OGFOD3: variants seen among roughly 807,000 people sequenced by gnomAD.
OGFOD3 encodes 2-oxoglutarate and iron dependent oxygenase domain containing 3, also known as 2-oxoglutarate and iron-dependent oxygenase domain-containing protein 3.
Under a neutral mutation model 39.8 loss-of-function variants are expected in OGFOD3, and 35 were observed. The ratio of observed to expected loss-of-function variants is 0.88; its 90% CI spans 0.67 to 1.17. The LOEUF (loss-of-function observed/expected upper bound fraction) is 1.17, where lower values mean the gene tolerates loss of function less well. OGFOD3 is among the 50% of genes most tolerant of loss of function. The pLI is 0.00. For synonymous variants in OGFOD3, 200 were observed against 192.0 expected (o/e 1.04, Z -0.34); for missense variants, 438 against 454.5 (o/e 0.96, Z 0.33).
Position 82,390,418 on chromosome 17 carries a change from G to T in OGFOD3, c.*1980C>A, listed in dbSNP as rs898514520. On this transcript the variant is annotated 3_prime_UTR_variant, in exon 9 of 9. Coordinates refer to ENST00000313056, the MANE Select transcript of OGFOD3 (RefSeq NM_024648.3). The surrounding 1 kb of genome is among the most constrained non-coding windows in gnomAD (Gnocchi z 4.9). ...CGACCCGGAGAGTGTCCGTGAAGCAGCCGGCCCCGCAAGGACGGCTTTGGC... is the reference window on the plus strand; with the variant it reads ...CGACCCGGAGAGTGTCCGTGAAGCATCCGGCCCCGCAAGGACGGCTTTGGC... 6.6e-6 allele frequency: 1 copy of T among 152,374 alleles called. No homozygotes were observed. Among genetic ancestry groups the T allele is most frequent in the Non-Finnish European group, 1.5e-5 (1 of 68,138 alleles). The allele number at this position is 152,374 out of a possible 1,614,324, so 9.4% of individuals were successfully genotyped here. A position where few individuals can be genotyped will look rare whatever the true frequency, so the allele number is the denominator to read the frequency against.
rs891257083 is a variant in OGFOD3, at chr17:82,415,142, T to C, written c.304+256A>G. ...TTTCTGGTTTTGACTTTCTCATCCC[T>C]ATCTTTCCAAGGCAAACCATCTCCT... On this transcript the variant is annotated intron_variant, in intron 2 of 8. Coordinates refer to ENST00000313056, the MANE Select transcript of OGFOD3 (RefSeq NM_024648.3). The surrounding 1 kb of genome is among the most constrained non-coding windows in gnomAD (Gnocchi z 5.3). Among the ~76,000 whole-genome samples, 4 of 152,184 alleles carry C rather than the reference T, an allele frequency of 2.6e-5. No homozygotes were observed. The highest frequency in any genetic ancestry group is 4.4e-5 in the Non-Finnish European group (3 of 68,026).
At chr17:82,403,658 C>T (rs577941115) in intron 7 of OGFOD3, among the ~76,000 whole-genome samples, 2 of 152,300 alleles carry the variant, frequency 1.3e-5, no homozygotes, top group African/African-American at 4.8e-5. Flanking sequence ...ACCATGCACA[C>T]AGCAGGCGGA....
chr17:82,398,911 A>C, intron 7 of OGFOD3, among the ~76,000 whole-genome samples: 2 of 135,408 alleles, frequency 1.5e-5, no homozygotes, highest in Non-Finnish European at 3.1e-5. Flanking sequence ...TAGAGATGGC[A>C]TCAGTCCACC....
intron 3 of OGFOD3, among the ~76,000 whole-genome samples, chr17:82,410,055 TG>T (rs1221334022): frequency 3.3e-5 from 5 of 151,864 alleles, no homozygotes; most frequent in Non-Finnish European, 4.4e-5. Flanking sequence ...CCCAGGCAGG[TG>T]GGGGAAGCTT....
At chr17:82,403,776 A>C in intron 7 of OGFOD3, 161 bp downstream of exon 7, 1 of 914,740 alleles carries the variant, frequency 1.1e-6, no homozygotes, top group Non-Finnish European at 1.7e-6. Flanking sequence ...CACCCTGCCC[A>C]CGTGCGTACT....
intron 2 of OGFOD3, among the ~76,000 whole-genome samples, chr17:82,413,130 A>G (rs1179892658): frequency 6.6e-6 from 1 of 152,240 alleles, no homozygotes; most frequent in East Asian, 1.9e-4. Flanking sequence ...ACAAAAAGTC[A>G]TTTTATGCTT....
chr17:82,392,663 T>A lies in OGFOD3; in HGVS notation c.824-129A>T. ...CAACCAACCAGGCAGGCTGGAGAAA[T>A]TGCCCCTCTGGGAACTGCTTCTGCA... On this transcript the variant is annotated intron_variant, in intron 8 of 8. Coordinates refer to ENST00000313056, the MANE Select transcript of OGFOD3 (RefSeq NM_024648.3). This position sits in a 1 kb window ranked among gnomAD's most constrained non-coding sequence, Gnocchi z 4.2. 2.7e-6 allele frequency: 3 copies of A among 1,130,102 alleles called. No homozygotes were observed. The highest frequency in any genetic ancestry group is 3.7e-6 in the Non-Finnish European group (3 of 809,092). The allele number at this position is 1,130,102 out of a possible 1,614,324, so 70.0% of individuals were successfully genotyped here.
chr17:82,394,654 G>A, intron 8 of OGFOD3: 2 of 776,984 alleles, frequency 2.6e-6, no homozygotes, highest in Non-Finnish European at 2.0e-6. Context: ...GGCTCCCAGG[G>A]GGGACCTCTG....
Position 82,415,682 on chromosome 17 carries a change from C to G in OGFOD3, c.75-55G>C. On this transcript the variant is annotated intron_variant, in intron 1 of 8. Transcript: ENST00000313056. The surrounding 1 kb of genome is among the most constrained non-coding windows in gnomAD (Gnocchi z 5.3). ...AAACACGGAGTGAGGCCAGAGAAAA[C>G]GCTCCCCGATCATCAAAGTGCATGC... The G allele has an allele frequency of 1.4e-6, 2 of 1,464,898 alleles. No homozygotes were observed. The highest frequency in any genetic ancestry group is 1.9e-6 in the Non-Finnish European group (2 of 1,077,766). 90.7% of individuals were successfully genotyped at this position (1,464,898 alleles called of 1,614,324 possible). A position where few individuals can be genotyped will look rare whatever the true frequency, so the allele number is the denominator to read the frequency against.
intron 8 of OGFOD3, among the ~76,000 whole-genome samples, chr17:82,397,717 G>A (rs1413375513): frequency 6.6e-6 from 1 of 152,116 alleles, no homozygotes; most frequent in Non-Finnish European, 1.5e-5. Context: ...GGGACTGCAA[G>A]GTCCAGTGTG....
rs2052814597 is a variant in OGFOD3, at chr17:82,404,139, G to A, written c.546-49C>T. 19 of 1,511,118 alleles carry A rather than the reference G, an allele frequency of 1.3e-5. No individual in the cohort carries two copies. Among genetic ancestry groups the A allele is most frequent in the Non-Finnish European group, 1.4e-5 (16 of 1,125,892 alleles). The allele number at this position is 1,511,118 out of a possible 1,614,324, so 93.6% of individuals were successfully genotyped here. A position where few individuals can be genotyped will look rare whatever the true frequency, so the allele number is the denominator to read the frequency against. ...AGCGCAGCCCCAGGCGGGAGGGGAC[G>A]CTCGTGGGTCCCAACCCGTGGGTGG... On this transcript the variant is annotated intron_variant, in intron 6 of 8. Transcript: ENST00000313056. This position sits in a 1 kb window ranked among gnomAD's most constrained non-coding sequence, Gnocchi z 4.5.
At position 82,389,997 on chromosome 17, in the gene OGFOD3, G is replaced by A. The variant is rs2052582106; in HGVS notation, c.*2401C>T. 5.9e-5 allele frequency: 9 copies of A among 151,958 alleles called. No homozygotes were observed. The highest frequency in any genetic ancestry group is 5.9e-4 in the Admixed American group (9 of 15,256). The allele number at this position is 151,958 out of a possible 1,614,324, so 9.4% of individuals were successfully genotyped here. On this transcript the variant is annotated 3_prime_UTR_variant, in exon 9 of 9. Transcript: ENST00000313056. This position sits in a 1 kb window ranked among gnomAD's most constrained non-coding sequence, Gnocchi z 4.6. Reference sequence around the variant, plus strand: ...GATTGCGCCACTGCACTCCAGCCTGGGCGACAGAGTTAGACTCCGTCTCAA... The same window carrying A: ...GATTGCGCCACTGCACTCCAGCCTGAGCGACAGAGTTAGACTCCGTCTCAA...
At chr17:82,403,226 T>G (rs2052794489) in intron 7 of OGFOD3, among the ~76,000 whole-genome samples, 1 of 152,178 alleles carries the variant, frequency 6.6e-6, no homozygotes, top group Admixed American at 6.5e-5. Context: ...ACAGGCCGTG[T>G]GGGCCGGGTT....
At chr17:82,401,728 T>C (rs1599691971) in intron 7 of OGFOD3, among the ~76,000 whole-genome samples, 2 of 136,826 alleles carry the variant, frequency 1.5e-5, no homozygotes, top group Admixed American at 8.3e-5. Flanking sequence ...GGCTTGAACC[T>C]GGGAGGCAGA....
chr17:82,398,150 GC>G, intron 8 of OGFOD3, 45 bp downstream of exon 8: 1 of 1,611,738 alleles, frequency 6.2e-7, no homozygotes, highest in Non-Finnish European at 8.5e-7. Flanking sequence ...CACCGTGCTT[GC>G]CTGAGCCAGG....
intron 4 of OGFOD3, among the ~76,000 whole-genome samples, chr17:82,407,424 G>T (rs1373446469): frequency 6.6e-6 from 1 of 152,212 alleles, no homozygotes; most frequent in Non-Finnish European, 1.5e-5. Flanking sequence ...CTTCTCTCGA[G>T]TAAATGCCTC....
At chr17:82,407,881 A>C (rs1465000475) in intron 4 of OGFOD3, among the ~76,000 whole-genome samples, 2 of 152,196 alleles carry the variant, frequency 1.3e-5, no homozygotes, top group Non-Finnish European at 2.9e-5. Flanking sequence ...GGTGGTTCAC[A>C]CCTGTAATCC....
At chr17:82,394,664 G>A in intron 8 of OGFOD3, 1 of 690,008 alleles carries the variant, frequency 1.4e-6, no homozygotes, top group Non-Finnish European at 2.3e-6. Flanking sequence ...GGGGACCTCT[G>A]AGCCCTCAGA....
At chr17:82,413,749 T>A (rs981826029) in intron 2 of OGFOD3, among the ~76,000 whole-genome samples, 2 of 151,776 alleles carry the variant, frequency 1.3e-5, no homozygotes, top group African/African-American at 4.8e-5. Context: ...CAGGTGCCTG[T>A]AGTCCCAGCT....
Sources: allele counts gnomAD v4.1 joint callset (sites outside exome capture counted in the v4.1 genomes callset), GRCh38; gene constraint gnomAD v4.1.1; non-coding constraint Gnocchi (gnomAD v3.1); transcripts MANE v1.5; gene names NCBI Gene and HGNC (gene_info 2026-07-23, HGNC 2026-07-21).